Variants in CCDC178 observed in about 807,000 individuals in gnomAD.
CCDC178 encodes coiled-coil domain containing 178.
A neutral mutation model predicts 117.4 loss-of-function variants in CCDC178; 126 were observed. The observed-to-expected ratio is 1.07, with a 90% CI of 0.93 to 1.24. The LOEUF (loss-of-function observed/expected upper bound fraction) is 1.24. Ranked by LOEUF, CCDC178 falls within the 50% of genes most tolerant of loss-of-function variation. CCDC178 has a pLI of 0.00. For synonymous variants in CCDC178, 283 were observed against 313.4 expected (o/e 0.90, Z 1.02); for missense variants, 1,030 against 986.9 (o/e 1.04, Z -0.59).
At chr18:32,995,613 A>G (rs1331363802) in intron 21 of CCDC178, among the ~76,000 whole-genome samples, 3 of 152,120 alleles carry the variant, frequency 2.0e-5, no homozygotes, top group African/African-American at 7.2e-5. Flanking sequence ...GAATTAATGA[A>G]TGCTTTTTGC....
At chr18:33,215,788 A>T in intron 18 of CCDC178, 93 bp from the exon 19 acceptor site, 1 of 999,228 alleles carries the variant, frequency 1.0e-6, no homozygotes, top group South Asian at 1.7e-5. Flanking sequence ...TGTGTGAACA[A>T]CTAAAAGTTA....
intron 21 of CCDC178, among the ~76,000 whole-genome samples, chr18:33,073,555 A>C (rs271516): frequency 0.024 from 2,876 of 121,412 alleles, 25 homozygotes; most frequent in Middle Eastern, 0.034. Context: ...ATCTATCTAT[A>C]TATATATCTT....
intron 20 of CCDC178, among the ~76,000 whole-genome samples, chr18:33,172,956 T>A (rs1416070214): frequency 2.0e-5 from 3 of 152,224 alleles, no homozygotes; most frequent in African/African-American, 7.2e-5. Flanking sequence ...TCAGAGGATG[T>A]CAAATTGATC....
chr18:33,088,394 T>A (rs1201382633), intron 21 of CCDC178, among the ~76,000 whole-genome samples: 2 of 152,286 alleles, frequency 1.3e-5, no homozygotes, highest in Non-Finnish European at 2.9e-5. Context: ...ATCTTAACAA[T>A]ATTGAGTCTT....
chr18:33,349,007 A>G, intron 7 of CCDC178, 32 bp from the exon 8 acceptor site: 1 of 1,401,878 alleles, frequency 7.1e-7, no homozygotes, highest in South Asian at 1.3e-5. Flanking sequence ...AGCAGTAAAG[A>G]AGTACTTAAA....
intron 21 of CCDC178, among the ~76,000 whole-genome samples, chr18:33,046,153 G>T (rs1598823568): frequency 6.6e-6 from 1 of 152,294 alleles, no homozygotes; most frequent in East Asian, 1.9e-4. Context: ...ACATTTAAGA[G>T]AAACTGAATT....
intron 7 of CCDC178, among the ~76,000 whole-genome samples, chr18:33,350,993 A>G (rs1337835780): frequency 6.6e-6 from 1 of 152,180 alleles, no homozygotes; most frequent in Non-Finnish European, 1.5e-5. Context: ...CAGGTATAAT[A>G]TAAACTAAGG....
chr18:33,404,948 A>C (rs2063760439), intron 3 of CCDC178, among the ~76,000 whole-genome samples: 1 of 152,060 alleles, frequency 6.6e-6, no homozygotes. Flanking sequence ...GTGGTTCCAG[A>C]GGCTGGGTAG....
intron 20 of CCDC178, among the ~76,000 whole-genome samples, chr18:33,152,149 T>A (rs2058348588): frequency 6.6e-6 from 1 of 152,008 alleles, no homozygotes. Flanking sequence ...GATAAATATA[T>A]ACAATGATTA....
intron 14 of CCDC178, among the ~76,000 whole-genome samples, chr18:33,248,539 T>C (rs545254628): frequency 2.6e-5 from 4 of 152,004 alleles, no homozygotes; most frequent in South Asian, 2.1e-4. Flanking sequence ...GTCCTTGTGA[T>C]AGTTTGCTGA....
intron 21 of CCDC178, among the ~76,000 whole-genome samples, chr18:33,078,143 T>C (rs977192481): frequency 6.6e-6 from 1 of 152,108 alleles, no homozygotes; most frequent in Admixed American, 6.6e-5. Context: ...CACAAATCAG[T>C]AAATGTGACT....
intron 20 of CCDC178, among the ~76,000 whole-genome samples, chr18:33,095,588 G>A (rs572716989): frequency 5.5e-4 from 84 of 152,042 alleles, no homozygotes; most frequent in African/African-American, 2.0e-3. Flanking sequence ...AGGTGCACAC[G>A]TTTTCAGTAA....
intron 20 of CCDC178, among the ~76,000 whole-genome samples, chr18:33,148,985 G>A (rs181259292): frequency 5.3e-5 from 8 of 152,292 alleles, no homozygotes; most frequent in Admixed American, 4.6e-4. Flanking sequence ...TGGCCAATGC[G>A]CTGTAAACAG....
chr18:33,127,859 C>CT (rs558890853), intron 20 of CCDC178, among the ~76,000 whole-genome samples: 1 of 152,128 alleles, frequency 6.6e-6, no homozygotes, highest in Non-Finnish European at 1.5e-5. Context: ...TTTATCTGAA[C>CT]TACCCTCCAG....
intron 21 of CCDC178, among the ~76,000 whole-genome samples, chr18:32,981,715 A>G (rs1429420279): frequency 1.3e-5 from 2 of 152,160 alleles, no homozygotes; most frequent in African/African-American, 2.4e-5. Context: ...TTTTTGTTAT[A>G]TACCCACTAA....
At chr18:33,384,069 G>GT (rs1424251082) in intron 5 of CCDC178, among the ~76,000 whole-genome samples, 6 of 151,962 alleles carry the variant, frequency 3.9e-5, no homozygotes, top group Non-Finnish European at 8.8e-5. Flanking sequence ...TGATGCAAAC[G>GT]TAAGTATCAA....
intron 21 of CCDC178, among the ~76,000 whole-genome samples, chr18:33,065,373 T>C (rs1483158096): frequency 2.0e-5 from 3 of 152,188 alleles, no homozygotes; most frequent in Non-Finnish European, 4.4e-5. Context: ...ACAATTACAA[T>C]GTGTCAGTTT....
rs1197575956 is a variant in CCDC178 at position 32,979,344 on chromosome 18, A to G, written c.2389-4663T>C. 2.0e-5 allele frequency among the ~76,000 whole-genome samples: 3 copies of G among 151,994 alleles called. No homozygotes were observed. In the East Asian group the frequency reaches 5.9e-4, roughly 30 times the overall value. ...GGGCTAATTTTTGTATTTTTAGTAG[A>G]GACAGGGTTTCGCCATGTTGGGCAG... On this transcript the variant is annotated intron_variant, in intron 21 of 22. Coordinates refer to ENST00000383096, the MANE Select transcript of CCDC178 (RefSeq NM_001105528.4).
chr18:33,322,448 A>G (rs1252537104), intron 11 of CCDC178, among the ~76,000 whole-genome samples: 1 of 151,836 alleles, frequency 6.6e-6, no homozygotes, highest in Non-Finnish European at 1.5e-5. Flanking sequence ...GTTATTCTCA[A>G]TTACACAAGG....
Sources: allele counts gnomAD v4.1 joint callset (sites outside exome capture counted in the v4.1 genomes callset), GRCh38; gene constraint gnomAD v4.1.1; transcripts MANE v1.5; gene names NCBI Gene and HGNC (gene_info 2026-07-23, HGNC 2026-07-21).